Variants in RPP30 observed in about 807,000 individuals in gnomAD.
The protein encoded by RPP30 is ribonuclease P protein subunit p30.
RPP30 carries 36 observed loss-of-function variants against 38.6 expected under a neutral mutation model. The observed-to-expected ratio is 0.93, with a 90% confidence interval of 0.71 to 1.23. RPP30 has a LOEUF of 1.23. Ranked by LOEUF, RPP30 falls within the 50% of genes most tolerant of loss-of-function variation. The probability of loss-of-function intolerance (pLI) is 0.00; values close to 1 mark genes in which losing one functional copy is unlikely to be tolerated. For missense variants in RPP30, 321 were observed against 321.7 expected (o/e 1.00, Z 0.02); for synonymous variants, 126 against 112.7 (o/e 1.12, Z -0.75).
At position 90,900,734 on chromosome 10, in the gene RPP30, G is replaced by A. The variant is rs1038829140; in HGVS notation, c.*55G>A. ...CCTTCTTCCCTTTTATAGTTCATCA[G>A]CCACAACAAAAATAAAACCTTTGTG... On this transcript the variant is annotated 3_prime_UTR_variant, in exon 11 of 11. Transcript: ENST00000371703. The A allele has an allele frequency of 5.1e-6, 8 of 1,562,248 alleles. No homozygotes were observed. Among genetic ancestry groups the A allele is most frequent in the Admixed American group, 4.1e-5 (2 of 49,110 alleles).
intron 6 of RPP30, among the ~76,000 whole-genome samples, chr10:90,892,938 T>C (rs1294221477): frequency 6.6e-6 from 1 of 152,214 alleles, no homozygotes; most frequent in Non-Finnish European, 1.5e-5. Context: ...TAAAAGGCAG[T>C]CTAGCTCTCA....
intron 5 of RPP30, 76 bp from the exon 6 acceptor site, chr10:90,885,736 C>T (rs1846991720): frequency 3.5e-6 from 3 of 845,130 alleles, no homozygotes; most frequent in African/African-American, 1.7e-5. Flanking sequence ...TACTTTATAT[C>T]GAGTTTGACC....
At chr10:90,900,249 C>A (rs561162834) in intron 10 of RPP30, among the ~76,000 whole-genome samples, 1 of 152,278 alleles carries the variant, frequency 6.6e-6, no homozygotes, top group African/African-American at 2.4e-5. Context: ...GTCTGTCTAC[C>A]ATATATAAAG....
At chr10:90,872,447 AT>A (rs34520335) in intron 1 of RPP30, among the ~76,000 whole-genome samples, 31,531 of 152,028 alleles carry the variant, frequency 0.21, 4,107 homozygotes, top group African/African-American at 0.36. Flanking sequence ...AAATACTGGA[AT>A]TTGGGGCACG....
chr10:90,884,056 C>T (rs1846967289), intron 5 of RPP30, among the ~76,000 whole-genome samples: 1 of 152,090 alleles, frequency 6.6e-6, no homozygotes, highest in Non-Finnish European at 1.5e-5. Flanking sequence ...TACATCATTT[C>T]CTTTAATGAG....
Position 90,901,237 on chromosome 10 carries a change from T to A in RPP30, c.*558T>A. 2.2e-6 allele frequency: 2 copies of A among 896,450 alleles called. No individual in the cohort carries two copies. The highest frequency in any genetic ancestry group is 2.7e-6 in the Non-Finnish European group (2 of 749,350). 55.5% of individuals were successfully genotyped at this position (896,450 alleles called of 1,614,324 possible). ...CCTAGGATCAAGCCATCCTCCCGCTTTGGCCTCCTAAAGTGCTGGGATTAC... is the reference window on the plus strand; with the variant it reads ...CCTAGGATCAAGCCATCCTCCCGCTATGGCCTCCTAAAGTGCTGGGATTAC... On this transcript the variant is annotated 3_prime_UTR_variant, in exon 11 of 11. Coordinates refer to ENST00000371703, the MANE Select transcript of RPP30 (RefSeq NM_006413.5).
intron 4 of RPP30, 123 bp downstream of exon 4, chr10:90,876,221 C>T: frequency 1.6e-6 from 1 of 621,710 alleles, no homozygotes; most frequent in Non-Finnish European, 2.9e-6. Context: ...ACCATGACAC[C>T]TGCTTGCTCT....
intron 10 of RPP30, among the ~76,000 whole-genome samples, chr10:90,897,088 G>A (rs1847148432): frequency 6.6e-6 from 1 of 152,056 alleles, no homozygotes; most frequent in African/African-American, 2.4e-5. Flanking sequence ...TTTTGTATAT[G>A]TACCTTTTCA....
At chr10:90,890,134 G>A (rs1362280805) in intron 6 of RPP30, among the ~76,000 whole-genome samples, 1 of 152,152 alleles carries the variant, frequency 6.6e-6, no homozygotes, top group Non-Finnish European at 1.5e-5. Context: ...GGGTTGACAA[G>A]GGATTTGTAC....
chr10:90,896,460 TA>T, intron 10 of RPP30, 68 bp downstream of exon 10: 1 of 1,230,676 alleles, frequency 8.1e-7, no homozygotes, highest in East Asian at 2.3e-5. Flanking sequence ...CAGCCATACC[TA>T]TTTTTATTGC....
intron 5 of RPP30, among the ~76,000 whole-genome samples, chr10:90,879,757 CTTGT>C (rs1216312726): frequency 2.0e-5 from 3 of 152,170 alleles, no homozygotes; most frequent in Non-Finnish European, 4.4e-5. Context: ...AACGTGTATG[CTTGT>C]TTGTCACCTT....
chr10:90,895,814 T>A lies in RPP30; in HGVS notation c.580-66T>A, dbSNP rs1017808803. 2.7e-6 allele frequency: 3 copies of A among 1,095,390 alleles called. No homozygotes were observed. In the Admixed American group the frequency reaches 7.4e-5, roughly 27 times the overall value. The allele number at this position is 1,095,390 out of a possible 1,614,324, so 67.9% of individuals were successfully genotyped here. A position where few individuals can be genotyped will look rare whatever the true frequency, so the allele number is the denominator to read the frequency against. The stretch of plus-strand genomic sequence containing the variant: ...TGGATACTTAAATTTTCTATTAATT[T>A]GCTATAAGTCATTGAAATGTTATAA... On this transcript the variant is annotated intron_variant, in intron 8 of 10. Coordinates refer to ENST00000371703, the MANE Select transcript of RPP30 (RefSeq NM_006413.5).
intron 6 of RPP30, among the ~76,000 whole-genome samples, chr10:90,889,159 G>C (rs1037670619): frequency 3.3e-5 from 5 of 152,144 alleles, no homozygotes; most frequent in African/African-American, 1.2e-4. Context: ...CTGTGGAGCT[G>C]TTTGTCTACA....
At chr10:90,899,827 T>C (rs550352819) in intron 10 of RPP30, among the ~76,000 whole-genome samples, 32 of 152,212 alleles carry the variant, frequency 2.1e-4, no homozygotes, top group Non-Finnish European at 4.1e-4. Context: ...GCTTCTCGCA[T>C]GCATGTAGTA....
chr10:90,883,025 T>C (rs1201439203), intron 5 of RPP30, among the ~76,000 whole-genome samples: 3 of 152,124 alleles, frequency 2.0e-5, no homozygotes, highest in African/African-American at 7.2e-5. Flanking sequence ...TAGGGCCTGG[T>C]TGTCTCCATT....
At chr10:90,878,899 T>C (rs1846887019) in intron 4 of RPP30, among the ~76,000 whole-genome samples, 164 bp from the exon 5 acceptor site, 1 of 152,098 alleles carries the variant, frequency 6.6e-6, no homozygotes, top group African/African-American at 2.4e-5. Flanking sequence ...GTATCTAAAT[T>C]CTCATGTGCT....
intron 5 of RPP30, among the ~76,000 whole-genome samples, chr10:90,880,348 T>C (rs1336819855): frequency 3.6e-5 from 5 of 138,524 alleles, no homozygotes; most frequent in Admixed American, 3.5e-4. Flanking sequence ...TACTGTCAAT[T>C]CTTAATTATT....
intron 4 of RPP30, among the ~76,000 whole-genome samples, chr10:90,877,618 GGC>G (rs1846869645): frequency 6.6e-6 from 1 of 150,512 alleles, no homozygotes; most frequent in Admixed American, 6.6e-5. Context: ...CAAGCAGACA[GGC>G]AAAAAAAAAA....
rs530806217 is a variant in RPP30 at position 90,873,812 on chromosome 10, A to AT, written c.83-1047dup. The stretch of plus-strand genomic sequence containing the variant: ...AGCCCAAGGTACAGGCATACTTGTG[A>AT]TTTTTTTTTTGTTTTTAAGGGTAAC... On this transcript the variant is annotated intron_variant, in intron 1 of 10. Transcript: ENST00000371703. 5.9e-3 allele frequency among the ~76,000 whole-genome samples: 877 copies of AT among 149,890 alleles called. 7 individuals are homozygous for AT. The highest frequency in any genetic ancestry group is 0.02 in the East Asian group (101 of 5,108).
Sources: gnomAD v4.1 joint callset for allele counts (sites outside exome capture counted in the v4.1 genomes callset) on GRCh38, gnomAD v4.1.1 for gene constraint, MANE v1.5 for transcripts, NCBI Gene and HGNC (gene_info 2026-07-23, HGNC 2026-07-21) for gene names.